HUWE1: variants seen among roughly 807,000 people sequenced by gnomAD.
HUWE1 encodes the protein E3 ubiquitin-protein ligase HUWE1.
In HUWE1, 18 loss-of-function variants were observed where a neutral mutation model predicts 299.4. That is an observed-to-expected ratio of 0.06 (90% CI 0.04 to 0.09). The LOEUF (loss-of-function observed/expected upper bound fraction) is 0.09, where lower values mean the gene tolerates loss of function less well. Among genes scored for constraint, HUWE1 ranks in the 10% least tolerant of loss-of-function variants. The pLI, the probability that HUWE1 is intolerant of heterozygous loss-of-function variation, is 1.00. For missense variants in HUWE1, 1,832 were observed against 3,462.3 expected (o/e 0.53, Z 11.82); for synonymous variants, 1,317 against 1,286.1 (o/e 1.02, Z -0.51).
chrX:53,616,852 A>G (rs782136708), intron 21 of HUWE1, 118 bp downstream of exon 21: 76 of 554,621 alleles, frequency 1.4e-4, no homozygotes, highest in Non-Finnish European at 2.2e-4. Context: ...ATGTATGATG[A>G]TAATTCCCAT....
rs1239456094 is a variant in HUWE1, at chrX:53,682,194, C to A, written c.-162-2008G>T. The stretch of plus-strand genomic sequence containing the variant: ...TAATTTATTATGTGCCTACCATGAG[C>A]TAAACATTTTATTTTATTTTATTTT... On this transcript the variant is annotated intron_variant, in intron 2 of 83. Transcript: ENST00000262854. Among the ~76,000 whole-genome samples the A allele has an allele frequency of 1.6e-4, 18 of 111,730 alleles. 1 individual carries two copies. The highest frequency in any genetic ancestry group is 1.6e-3 in the Admixed American group (17 of 10,576).
At chrX:53,672,110 C>A (rs1457594617) in intron 3 of HUWE1, among the ~76,000 whole-genome samples, 2 of 110,355 alleles carry the variant, frequency 1.8e-5, no homozygotes, top group African/African-American at 6.6e-5. Context: ...TTAAAAATAC[C>A]ATTTCTACAC....
chrX:53,560,812 T>C lies in HUWE1; in HGVS notation c.7508-396A>G, dbSNP rs782087564. ...TTCCACAGATTGGGTTAGGTAACTC[T>C]TTACCTCTGTGCTCTCTTACTATAG... On this transcript the variant is annotated intron_variant, in intron 55 of 83. Transcript: ENST00000262854. 1.9e-4 allele frequency among the ~76,000 whole-genome samples: 21 copies of C among 111,941 alleles called. No individual in the cohort carries two copies. In the South Asian group the frequency reaches 4.2e-3, roughly 22 times the overall value.
intron 6 of HUWE1, among the ~76,000 whole-genome samples, chrX:53,647,035 G>A (rs1392039201): frequency 9.0e-6 from 1 of 111,491 alleles, no homozygotes; most frequent in African/African-American, 3.3e-5. Context: ...ACTATTTCTA[G>A]GAATTTAAAA....
intron 13 of HUWE1, among the ~76,000 whole-genome samples, chrX:53,629,277 A>G (rs1557020658): frequency 8.9e-6 from 1 of 111,849 alleles, no homozygotes; most frequent in East Asian, 2.8e-4. Flanking sequence ...CTCATGTGAC[A>G]GGTCACAGTT....
chrX:53,627,379 C>T, intron 17 of HUWE1, 31 bp downstream of exon 17: 1 of 925,467 alleles, frequency 1.1e-6, no homozygotes, highest in Admixed American at 2.3e-5. Context: ...ATCTCAAGCA[C>T]AAAAATACTG....
chrX:53,630,792 G>C, intron 12 of HUWE1, 143 bp downstream of exon 12: 2 of 473,794 alleles, frequency 4.2e-6, no homozygotes, highest in Admixed American at 6.0e-5. Context: ...TAAATACAGT[G>C]AACACTGGGA....
intron 3 of HUWE1, among the ~76,000 whole-genome samples, chrX:53,678,342 A>C (rs1183670205): frequency 8.9e-6 from 1 of 111,879 alleles, no homozygotes; most frequent in Non-Finnish European, 1.9e-5. Flanking sequence ...AACACCACCT[A>C]TGAAACATCA....
chrX:53,555,968 T>C (rs1556934275), intron 60 of HUWE1, among the ~76,000 whole-genome samples: 2 of 112,280 alleles, frequency 1.8e-5, no homozygotes, highest in African/African-American at 3.2e-5. Context: ...ATGCTTTCCA[T>C]TCCCTTGCAC....
chrX:53,546,895 C>G (rs1170099882), intron 68 of HUWE1, 70 bp from the exon 69 acceptor site: 1 of 1,129,570 alleles, frequency 8.9e-7, no homozygotes, highest in African/African-American at 1.8e-5. Flanking sequence ...GTGACAAAAT[C>G]AAGGAATCGC....
chrX:53,632,354 G>A (rs1178686598), intron 9 of HUWE1, 133 bp downstream of exon 9: 21 of 516,154 alleles, frequency 4.1e-5, no homozygotes, highest in South Asian at 2.8e-4. Context: ...GAGCTGCTAG[G>A]TATATTTATA....
chrX:53,595,160 G>A (rs781994771), intron 30 of HUWE1, 27 bp downstream of exon 30: 5 of 1,124,699 alleles, frequency 4.4e-6, no homozygotes, highest in Non-Finnish European at 6.1e-6. Flanking sequence ...TAACTTTCTA[G>A]TCCCTGAATC....
At chrX:53,681,468 A>G (rs1475376766) in intron 2 of HUWE1, among the ~76,000 whole-genome samples, 1 of 110,476 alleles carries the variant, frequency 9.1e-6, no homozygotes, top group African/African-American at 3.3e-5. Context: ...ACTTTCTCCA[A>G]GTCAAATAGT....
chrX:53,654,598 A>G (rs1263586573), intron 3 of HUWE1, among the ~76,000 whole-genome samples: 3 of 112,087 alleles, frequency 2.7e-5, no homozygotes, highest in African/African-American at 9.8e-5. Flanking sequence ...AAAGACTGAA[A>G]AAGACCTACT....
intron 42 of HUWE1, among the ~76,000 whole-genome samples, chrX:53,582,292 T>C (rs1325429541): frequency 8.9e-6 from 1 of 112,448 alleles, no homozygotes; most frequent in Admixed American, 9.4e-5. Context: ...CAGAATTTAG[T>C]TGTATATAGT....
chrX:53,661,183 C>T (rs1191606642), intron 3 of HUWE1, among the ~76,000 whole-genome samples: 2 of 109,813 alleles, frequency 1.8e-5, no homozygotes, highest in Admixed American at 1.9e-4. Context: ...TACAGGCGCC[C>T]GCCACCACAC....
chrX:53,559,813 G>A (rs1250984613), intron 56 of HUWE1, among the ~76,000 whole-genome samples: 1 of 111,962 alleles, frequency 8.9e-6, no homozygotes, highest in Non-Finnish European at 1.9e-5. Context: ...CCTCTCTGTC[G>A]TCTGTACACC....
intron 47 of HUWE1, 29 bp from the exon 48 acceptor site, chrX:53,569,856 T>C: frequency 8.8e-7 from 1 of 1,130,741 alleles, no homozygotes; most frequent in Non-Finnish European, 1.2e-6. Context: ...CGACATTTAC[T>C]TACAAGCACA....
chrX:53,591,025 G>A lies in HUWE1; in HGVS notation c.4070C>T (p.Pro1357Leu). Residue 1357 changes from proline to leucine, a missense_variant, in exon 34 of 84, where the codon CCT becomes CTT. Coordinates refer to ENST00000262854, the MANE Select transcript of HUWE1 (RefSeq NM_031407.7). ...CCGAACAACTCCTCCCATGATTGGA[G>A]GAGGGTGGGTTAAAAGGTACTCTGT... ...QATEYLLTHP[P>L]PIMGGVVRDL... is the part of the protein sequence containing the mutation. 1 of 1,211,172 alleles carries A rather than the reference G, an allele frequency of 8.3e-7. No homozygotes were observed.
Sources: allele counts gnomAD v4.1 joint callset (sites outside exome capture counted in the v4.1 genomes callset), GRCh38; gene constraint gnomAD v4.1.1; transcripts MANE v1.5; gene names NCBI Gene and HGNC (gene_info 2026-07-23, HGNC 2026-07-21).